The following HDAC6 variants were observed in gnomAD, a reference collection of about 807,000 sequenced individuals.
HDAC6 encodes histone deacetylase 6, also known as protein deacetylase HDAC6.
A neutral mutation model predicts 88.9 loss-of-function variants in HDAC6; 5 were observed. That is an observed-to-expected ratio of 0.06 (90% CI 0.03 to 0.12). The LOEUF (loss-of-function observed/expected upper bound fraction) is 0.12, where lower values mean the gene tolerates loss of function less well. Among genes scored for constraint, HDAC6 ranks in the 10% least tolerant of loss-of-function variants. The pLI is 1.00. For missense variants in HDAC6, 706 were observed against 1,014.4 expected, an observed-to-expected ratio of 0.70 and a Z score of 4.13; for synonymous variants, 378 against 398.0, an observed-to-expected ratio of 0.95 and a Z score of 0.60.
At chrX:48,824,405 T>G in intron 28 of HDAC6, 111 bp downstream of exon 28, 1 of 1,085,546 alleles carries the variant, frequency 9.2e-7, no homozygotes, top group Non-Finnish European at 1.3e-6. Flanking sequence ...CTGCCTCATG[T>G]GATTATTTTG....
In HDAC6 at chrX:48,808,154, A is replaced by G; in HGVS notation, c.737+17A>G. On this transcript the variant is annotated intron_variant, in intron 9 of 28. Transcript: ENST00000334136. ...CATCCGGAGGTCAGCAACAGAGGGC[A>G]GATGTGATGGGGGTGGCATGGGGTG... 8.6e-7 allele frequency: 1 copy of G among 1,165,225 alleles called. No individual in the cohort carries two copies. The highest frequency in any genetic ancestry group is 1.2e-6 in the Non-Finnish European group (1 of 856,269).
At chrX:48,802,260 G>T in intron 1 of HDAC6, 118 bp downstream of exon 1, 21 of 880,344 alleles carry the variant, frequency 2.4e-5, no homozygotes, top group Non-Finnish European at 2.8e-5. Context: ...CGGGAGATAG[G>T]CCGAAAGGGC....
intron 10 of HDAC6, among the ~76,000 whole-genome samples, chrX:48,809,575 C>T (rs1257559189): frequency 1.8e-5 from 2 of 110,364 alleles, no homozygotes; most frequent in South Asian, 3.8e-4. Context: ...GAGGCCGAGG[C>T]GGATCACCTG....
chrX:48,817,982 C>T, intron 20 of HDAC6, 59 bp from the exon 21 acceptor site: 1 of 1,068,669 alleles, frequency 9.4e-7, no homozygotes, highest in Non-Finnish European at 1.3e-6. Context: ...AGGGGTCTAG[C>T]CCAGCCCTCT....
chrX:48,802,803 C>A lies in HDAC6; in HGVS notation c.93+18C>A, dbSNP rs1557022834. The A allele has an allele frequency of 8.3e-7, 1 of 1,206,964 alleles. No individual in the cohort carries two copies. Among genetic ancestry groups the A allele is most frequent in the African/African-American group, 1.7e-5 (1 of 57,761 alleles). On this transcript the variant is annotated intron_variant, in intron 2 of 28. Transcript: ENST00000334136. The stretch of plus-strand genomic sequence containing the variant: ...TCACTTCGGTGAGGCCCTAGACCCG[C>A]CCTGATGAGGGGGAGAGGGAGCAAG...
chrX:48,820,109 A>T lies in HDAC6; in HGVS notation c.2191A>T (p.Asn731Tyr), dbSNP rs1557029238. ...ATCTCTTCTCTCCCTGCCTCAGTTT[A>T]ACCCAGAACTGGTGCTGGTCTCAGC... is the stretch of plus-strand genomic sequence containing the variant. Reference protein sequence around the residue: ...RLVLPIAYEFNPELVLVSAGF... With the variant: ...RLVLPIAYEFYPELVLVSAGF... The change falls in exon 23 of 29, where the codon AAC becomes TAC. Residue 731 changes from asparagine to tyrosine, a missense_variant. By Grantham distance (143) the Asn-to-Tyr change is moderately radical (BLOSUM62 -2). Transcript: ENST00000334136. 8.3e-7 allele frequency: 1 copy of T among 1,210,379 alleles called. No individual in the cohort carries two copies. The highest frequency in any genetic ancestry group is 1.1e-6 in the Non-Finnish European group (1 of 894,944).
chrX:48,814,981 C>T lies in HDAC6; in HGVS notation c.1079C>T (p.Pro360Leu), dbSNP rs1557027010. 8.3e-7 allele frequency: 1 copy of T among 1,209,271 alleles called. No individual in the cohort carries two copies. Among genetic ancestry groups the T allele is most frequent in the Non-Finnish European group, 1.1e-6 (1 of 894,346 alleles). Residue 360 changes from proline to leucine, a missense_variant, in exon 14 of 29, where the codon CCG becomes CTG. This residue lies in a region of HDAC6 where 106 missense variants were observed against 135.1 expected (regional missense o/e 0.78). Coordinates refer to ENST00000334136, the MANE Select transcript of HDAC6 (RefSeq NM_006044.4). ...CCCCAGGGTGAGATGGCCGCCACTC[C>T]GGCAGGGTTCGCCCAGCTAACCCAC... is the stretch of plus-strand genomic sequence containing the variant. ...GDPKGEMAAT[P>L]AGFAQLTHLL... is the part of the protein sequence containing the mutation.
chrX:48,806,435 G>C lies in HDAC6; in HGVS notation c.505G>C (p.Asp169His), dbSNP rs2062818043. 2 of 1,190,239 alleles carry C rather than the reference G, an allele frequency of 1.7e-6. No homozygotes were observed. Reference protein sequence around the residue: ...MNEGELRVLADTYDSVYLHPN... With the variant: ...MNEGELRVLAHTYDSVYLHPN... ...TGAGGGAGAACTCCGTGTCCTAGCA[G>C]ACACCTACGACTCAGTTTATCTGCA... Residue 169 changes from aspartate to histidine, a missense_variant, in exon 7 of 29, where the codon GAC becomes CAC. By Grantham distance (81) the Asp-to-His change is moderately conservative. Transcript: ENST00000334136.
intron 15 of HDAC6, 32 bp downstream of exon 15, chrX:48,815,522 G>T: frequency 8.4e-7 from 1 of 1,193,715 alleles, no homozygotes; most frequent in South Asian, 1.8e-5. Context: ...GAAAGCGGGA[G>T]CCTCACTGCC....
chrX:48,822,600 T>C lies in HDAC6; in HGVS notation c.2338-20T>C, dbSNP rs782227206. On this transcript the variant is annotated intron_variant, in intron 23 of 28. Transcript: ENST00000334136. ...AATGAACCCCCACCATACCTTTCCC[T>C]CCCCTTTTCCTTAACAAAGGGTGGC... The C allele has an allele frequency of 3.5e-6, 4 of 1,130,458 alleles. No homozygotes were observed. In the South Asian group the frequency reaches 8.5e-5, roughly 24 times the overall value. 93.2% of individuals were successfully genotyped at this position (1,130,458 alleles called of 1,213,427 possible). A position where few individuals can be genotyped will look rare whatever the true frequency, so the allele number is the denominator to read the frequency against.
chrX:48,809,906 C>G (rs1385220640), intron 10 of HDAC6, among the ~76,000 whole-genome samples: 1 of 110,952 alleles, frequency 9.0e-6, no homozygotes, highest in Non-Finnish European at 1.9e-5. Flanking sequence ...TCCTAGCTGA[C>G]TACAGAGAAT....
At chrX:48,820,076 G>A in intron 22 of HDAC6, 30 bp from the exon 23 acceptor site, 1 of 1,205,572 alleles carries the variant, frequency 8.3e-7, no homozygotes, top group Non-Finnish European at 1.1e-6. Flanking sequence ...CTACCCTCAT[G>A]CTTATACATC....
chrX:48,806,169 T>C (rs2062814545), intron 6 of HDAC6, 199 bp from the exon 7 acceptor site: 1 of 404,217 alleles, frequency 2.5e-6, no homozygotes. Context: ...GGATTTGGTG[T>C]GGCTACTGCA....
intron 10 of HDAC6, among the ~76,000 whole-genome samples, chrX:48,808,754 CTATT>C (rs2062857076): frequency 8.9e-6 from 1 of 112,387 alleles, no homozygotes; most frequent in Non-Finnish European, 1.9e-5. Context: ...AAATAACAAA[CTATT>C]TGTTTAAAGA....
chrX:48,817,959 C>A, intron 20 of HDAC6, 82 bp from the exon 21 acceptor site: 1 of 889,176 alleles, frequency 1.1e-6, no homozygotes, highest in Non-Finnish European at 1.6e-6. Flanking sequence ...CACTAAATGC[C>A]CCTGCAGACC....
At chrX:48,814,783 A>G in intron 12 of HDAC6, 43 bp downstream of exon 12, 1 of 1,209,057 alleles carries the variant, frequency 8.3e-7, no homozygotes, top group Non-Finnish European at 1.1e-6. Flanking sequence ...AGTGGCCTTG[A>G]AGGTTAGGCT....
At chrX:48,807,742 G>A (rs1356292414) in intron 8 of HDAC6, among the ~76,000 whole-genome samples, 4 of 111,985 alleles carry the variant, frequency 3.6e-5, no homozygotes, top group African/African-American at 1.3e-4. Context: ...TTGATCTCTT[G>A]ACCTCGTGGT....
rs1430485772 is a variant in HDAC6 at position 48,824,150 on chromosome X, A to T, written c.3451-16A>T. 1.7e-6 allele frequency: 2 copies of T among 1,207,006 alleles called. No homozygotes were observed. Among genetic ancestry groups the T allele is most frequent in the East Asian group, 5.9e-5 (2 of 33,762 alleles). On this transcript the variant is annotated splice_polypyrimidine_tract_variant and intron_variant, in intron 27 of 28. Coordinates refer to ENST00000334136, the MANE Select transcript of HDAC6 (RefSeq NM_006044.4). ...GGATGCTGACCCCCACCTGACACTC[A>T]CACCCCCAACCTCAGGTCTACTGTG...
intron 8 of HDAC6, 81 bp downstream of exon 8, chrX:48,806,787 T>C: frequency 3.8e-6 from 2 of 531,929 alleles, no homozygotes; most frequent in South Asian, 7.7e-5. Context: ...ATGGGTAATA[T>C]ATTCATGTGA....
Sources: gnomAD v4.1 joint callset for allele counts (sites outside exome capture counted in the v4.1 genomes callset) on GRCh38, gnomAD v4.1.1 for gene constraint, gnomAD v4.1.1 regional missense constraint, MANE v1.5 for transcripts, NCBI Gene and HGNC (gene_info 2026-07-23, HGNC 2026-07-21) for gene names.